The following DNAH5 variants were observed in gnomAD, a reference collection of about 807,000 sequenced individuals.
DNAH5 encodes dynein axonemal heavy chain 5, also known as axonemal beta dynein heavy chain 5.
Under a neutral mutation model 518.2 loss-of-function variants are expected in DNAH5, and 372 were observed. That is an observed-to-expected ratio of 0.72 (90% CI 0.66 to 0.78). The LOEUF (loss-of-function observed/expected upper bound fraction) is 0.78, where lower values mean the gene tolerates loss of function less well. Ranked by LOEUF, DNAH5 falls within the 30% of genes least tolerant of loss-of-function variation. DNAH5 has a pLI of 0.00. For missense variants in DNAH5, 5,523 were observed against 5,687.0 expected, an observed-to-expected ratio of 0.97 and a Z score of 0.93; for synonymous variants, 2,039 against 2,025.9, an observed-to-expected ratio of 1.01 and a Z score of -0.17.
At chr5:14,005,700 T>C (rs1784680056) in intron 1 of DNAH5, among the ~76,000 whole-genome samples, 1 of 152,266 alleles carries the variant, frequency 6.6e-6, no homozygotes, top group African/African-American at 2.4e-5. Context: ...TTCTTCCTTA[T>C]ATTCTGGAGT....
At chr5:13,926,345 A>G (rs1164362424) in intron 3 of DNAH5, among the ~76,000 whole-genome samples, 1 of 152,192 alleles carries the variant, frequency 6.6e-6, no homozygotes, top group African/African-American at 2.4e-5. Context: ...AGCTCATGAC[A>G]GCGCTAGTCC....
chr5:13,907,676 C>T (rs540233143), intron 12 of DNAH5, among the ~76,000 whole-genome samples: 1 of 151,986 alleles, frequency 6.6e-6, no homozygotes, highest in Non-Finnish European at 1.5e-5. Context: ...ACCCTCCCCC[C>T]AAAAAAATTG....
chr5:13,780,946 A>C lies in DNAH5; in HGVS notation c.8834T>G (p.Ile2945Ser). The C allele has an allele frequency of 6.2e-7, 1 of 1,613,716 alleles. No homozygotes were observed. The highest frequency in any genetic ancestry group is 8.5e-7 in the Non-Finnish European group (1 of 1,179,726). Residue 2945 changes from isoleucine (I) to serine (S), a missense_variant, in exon 53 of 79, where the codon ATT becomes AGT. Transcript: ENST00000265104. ...GAGGGCATTTCCCTGAGGAGTACGA[A>C]TGACACGAGAGATCTGTAATATGGA... The part of the protein sequence containing the change: ...MVHLVKISRV[I>S]RTPQGNALLV...
chr5:13,994,042 C>T (rs6554833), intron 1 of DNAH5, among the ~76,000 whole-genome samples: 110,462 of 152,084 alleles, frequency 0.73, 40,463 homozygotes, highest in East Asian at 0.97. Flanking sequence ...GCTGTCAGGC[C>T]GTCCTCTGCT....
chr5:13,727,145 C>G (rs1745852521), intron 70 of DNAH5, among the ~76,000 whole-genome samples: 1 of 152,190 alleles, frequency 6.6e-6, no homozygotes, highest in Admixed American at 6.5e-5. Flanking sequence ...TTCAGAAACA[C>G]TGTTTTACTA....
chr5:13,943,195 G>A (rs1779622413), intron 1 of DNAH5, among the ~76,000 whole-genome samples: 1 of 152,186 alleles, frequency 6.6e-6, no homozygotes, highest in Non-Finnish European at 1.5e-5. Context: ...GTTCAGACAT[G>A]TGAAATGTTT....
chr5:13,846,638 G>A (rs930650576), intron 31 of DNAH5, among the ~76,000 whole-genome samples: 5 of 152,108 alleles, frequency 3.3e-5, no homozygotes, highest in African/African-American at 1.2e-4. Flanking sequence ...CAAAGAGAGG[G>A]TCATGCTAAG....
At chr5:13,966,625 T>G (rs991251881) in intron 1 of DNAH5, among the ~76,000 whole-genome samples, 1 of 152,244 alleles carries the variant, frequency 6.6e-6, no homozygotes, top group Non-Finnish European at 1.5e-5. Flanking sequence ...ATGTTGGGCA[T>G]TTTTTCATGT....
chr5:13,967,771 A>G (rs532345008), intron 1 of DNAH5, among the ~76,000 whole-genome samples: 1 of 144,514 alleles, frequency 6.9e-6, no homozygotes, highest in South Asian at 2.4e-4. Context: ...TTGAATTTGT[A>G]GATTGCTTTT....
intron 22 of DNAH5, 151 bp downstream of exon 22, chr5:13,876,533 A>T: frequency 2.4e-6 from 2 of 839,238 alleles, no homozygotes; most frequent in Non-Finnish European, 3.7e-6. Context: ...ATCTTCAGTT[A>T]GACAAACATT....
Position 13,776,560 on chromosome 5 carries a change from A to C in DNAH5, c.9252T>G (p.Ile3084Met), listed in dbSNP as rs1318129305. The C allele has an allele frequency of 6.2e-7, 1 of 1,613,938 alleles. No homozygotes were observed. ...CCCCCACTGGCGAGAAGCAGAGCAC[A>C]ATATGAAGGTTCTGTCGGACCCGAC... Reference protein sequence around the residue: ...FMSRVRQNLHIVLCFSPVGEK... With the variant: ...FMSRVRQNLHMVLCFSPVGEK... The change falls in exon 55 of 79, where the codon ATT (isoleucine) becomes ATG (methionine). Residue 3084 changes from isoleucine to methionine, a missense_variant. Ile to Met is a conservative substitution (Grantham distance 10, BLOSUM62 1). Transcript: ENST00000265104.
chr5:13,866,255 G>T lies in DNAH5; in HGVS notation c.4081C>A (p.Pro1361Thr). Residue 1361 changes from proline (P) to threonine (T), a missense_variant, in exon 26 of 79, where the codon CCC (proline) becomes ACC (threonine). Physicochemically the swap from Pro to Thr is conservative, Grantham distance 38 (BLOSUM62 -1). This residue lies in a region of DNAH5 where 5,121 missense variants were observed against 5,223.3 expected (regional missense o/e 0.98). Coordinates refer to ENST00000265104, the MANE Select transcript of DNAH5 (RefSeq NM_001369.3). ...LNGPMASGLK[P>T]QEASDRLIMF... ...ATAAGCCTGTCACTGGCTTCCTGGG[G>T]CTTCAAGCCGCTAGCCATTGGACCA... 6.2e-7 allele frequency: 1 copy of T among 1,613,092 alleles called. No homozygotes were observed. Among genetic ancestry groups the T allele is most frequent in the African/African-American group, 1.3e-5 (1 of 75,030 alleles).
intron 68 of DNAH5, among the ~76,000 whole-genome samples, chr5:13,730,706 T>TA (rs1439661375): frequency 7.4e-6 from 1 of 135,636 alleles, no homozygotes; most frequent in African/African-American, 3.0e-5. Context: ...AGTGCTGTTA[T>TA]TTTTTTTTTT....
chr5:13,784,683 G>A (rs1243256387), intron 52 of DNAH5, among the ~76,000 whole-genome samples: 1 of 152,148 alleles, frequency 6.6e-6, no homozygotes, highest in Non-Finnish European at 1.5e-5. Flanking sequence ...TCCTCACGGT[G>A]GAACCTAAAT....
At chr5:14,010,650 T>C (rs1785052140) in intron 1 of DNAH5, among the ~76,000 whole-genome samples, 1 of 152,162 alleles carries the variant, frequency 6.6e-6, no homozygotes, top group African/African-American at 2.4e-5. Flanking sequence ...AAATTCCAAG[T>C]ATTTATGACA....
chr5:13,954,755 C>T (rs945828647), intron 1 of DNAH5, among the ~76,000 whole-genome samples: 1 of 152,206 alleles, frequency 6.6e-6, no homozygotes, highest in African/African-American at 2.4e-5. Flanking sequence ...GCCCATTAAA[C>T]TGCCCCAGCG....
intron 1 of DNAH5, among the ~76,000 whole-genome samples, chr5:13,984,596 T>C (rs189858292): frequency 6.9e-4 from 105 of 152,368 alleles, no homozygotes; most frequent in Non-Finnish European, 1.3e-3. Flanking sequence ...AGGGCATCCC[T>C]GTCTTGTGCC....
At chr5:13,940,379 T>C (rs1400084118) in intron 1 of DNAH5, among the ~76,000 whole-genome samples, 1 of 152,202 alleles carries the variant, frequency 6.6e-6, no homozygotes, top group Non-Finnish European at 1.5e-5. Flanking sequence ...AGGGACCATA[T>C]AACTCAAATG....
intron 21 of DNAH5, among the ~76,000 whole-genome samples, chr5:13,880,913 G>C (rs1771580255): frequency 6.6e-6 from 1 of 151,722 alleles, no homozygotes; most frequent in Non-Finnish European, 1.5e-5. Flanking sequence ...CACAAAAAAA[G>C]ACCCAACTGC....
Sources: gnomAD v4.1 joint callset for allele counts (sites outside exome capture counted in the v4.1 genomes callset) on GRCh38, gnomAD v4.1.1 for gene constraint, gnomAD v4.1.1 regional missense constraint, MANE v1.5 for transcripts, NCBI Gene and HGNC (gene_info 2026-07-23, HGNC 2026-07-21) for gene names.